Variants in TP53BP1 observed in about 807,000 individuals in gnomAD.
TP53BP1 encodes TP53-binding protein 1.
A neutral mutation model predicts 200.8 loss-of-function variants in TP53BP1; 61 were observed. The ratio of observed to expected loss-of-function variants is 0.30; its 90% CI spans 0.25 to 0.38. The LOEUF (loss-of-function observed/expected upper bound fraction) is 0.38. Among genes scored for constraint, TP53BP1 ranks in the 10% least tolerant of loss-of-function variants. The pLI is 1.00. For synonymous variants in TP53BP1, 822 were observed against 844.3 expected (o/e 0.97, Z 0.46); for missense variants, 2,144 against 2,371.9 (o/e 0.90, Z 2.00).
intron 1 of TP53BP1, among the ~76,000 whole-genome samples, chr15:43,508,144 G>T (rs1249108985): frequency 6.6e-6 from 1 of 152,164 alleles, no homozygotes; most frequent in African/African-American, 2.4e-5. Context: ...GGTGGATCAT[G>T]AGGTCAGGAG....
chr15:43,422,292 G>T (rs555220640), intron 18 of TP53BP1, among the ~76,000 whole-genome samples, 166 bp from the exon 19 acceptor site: 2 of 152,078 alleles, frequency 1.3e-5, no homozygotes, highest in South Asian at 4.2e-4. Context: ...TTGAGTAGTG[G>T]TTAGATAAAA....
At chr15:43,488,964 C>A (rs1019100468) in intron 4 of TP53BP1, among the ~76,000 whole-genome samples, 1 of 152,200 alleles carries the variant, frequency 6.6e-6, no homozygotes, top group Non-Finnish European at 1.5e-5. Flanking sequence ...AGCTTCATGG[C>A]CTATGCACAC....
chr15:43,440,224 A>G (rs1056914744), intron 15 of TP53BP1, among the ~76,000 whole-genome samples: 1 of 152,182 alleles, frequency 6.6e-6, no homozygotes, highest in African/African-American at 2.4e-5. Context: ...TGAGTGGGGC[A>G]CACCCTTTCA....
In TP53BP1 at chr15:43,492,482, A is replaced by G. The variant is rs1369660083; in HGVS notation, c.8-14T>C. 2.5e-6 allele frequency: 4 copies of G among 1,609,416 alleles called. No homozygotes were observed. The highest frequency in any genetic ancestry group is 3.4e-6 in the Non-Finnish European group (4 of 1,176,892). Reference sequence around the variant, plus strand: ...CCATCTGCTCCCCTGGAATGGAATAACAAAAGATCAGTTCCGTGTAACCTA... The same window carrying G: ...CCATCTGCTCCCCTGGAATGGAATAGCAAAAGATCAGTTCCGTGTAACCTA... On this transcript the variant is annotated splice_polypyrimidine_tract_variant and intron_variant, in intron 1 of 27. Coordinates refer to ENST00000382044, the MANE Select transcript of TP53BP1 (RefSeq NM_001141980.3).
chr15:43,476,092 T>A (rs2078877395), intron 8 of TP53BP1, among the ~76,000 whole-genome samples: 1 of 151,982 alleles, frequency 6.6e-6, no homozygotes, highest in African/African-American at 2.4e-5. Context: ...TGGTGAAACC[T>A]CATCTCTACT....
chr15:43,449,566 T>C (rs562483293), intron 12 of TP53BP1, among the ~76,000 whole-genome samples: 27 of 152,354 alleles, frequency 1.8e-4, no homozygotes, highest in African/African-American at 6.5e-4. Context: ...TTCAGACTTT[T>C]ACAGGCCCTA....
intron 11 of TP53BP1, among the ~76,000 whole-genome samples, chr15:43,467,861 G>T (rs2046626432): frequency 6.6e-6 from 1 of 150,908 alleles, no homozygotes; most frequent in Admixed American, 6.6e-5. Context: ...TCAGCTCACT[G>T]TAACCTCTGC....
chr15:43,409,779 G>C, intron 24 of TP53BP1, 38 bp from the exon 25 acceptor site: 3 of 1,107,372 alleles, frequency 2.7e-6, no homozygotes, highest in South Asian at 1.6e-5. Flanking sequence ...TAATTACTGA[G>C]TGGTTTTCTT....
At position 43,477,697 on chromosome 15, in the gene TP53BP1, A is replaced by C; in HGVS notation, c.851T>G (p.Leu284Trp). ...ACTTTCCATAAGTTCTTGTGCAGAC[A>C]ACTGTTCTTTTGCTTCCATAGCAGC... ...SVAAMEAKEQLSAQELMESGL... is the reference protein window; with the variant it reads ...SVAAMEAKEQWSAQELMESGL... Residue 284 changes from leucine (L) to tryptophan (W), a missense_variant, in exon 8 of 28, where the codon TTG (leucine) becomes TGG (tryptophan). By Grantham distance (61) the Leu-to-Trp change is moderately conservative. Transcript: ENST00000382044. The C allele has an allele frequency of 6.2e-7, 1 of 1,613,480 alleles. No individual in the cohort carries two copies. The highest frequency in any genetic ancestry group is 8.5e-7 in the Non-Finnish European group (1 of 1,179,766).
At chr15:43,443,570 CT>C (rs1366282910) in intron 14 of TP53BP1, among the ~76,000 whole-genome samples, 1 of 152,002 alleles carries the variant, frequency 6.6e-6, no homozygotes, top group Non-Finnish European at 1.5e-5. Context: ...GTGGGCGTGC[CT>C]GTAGTCCCAC....
In TP53BP1 at chr15:43,491,718, AACC is replaced by A. The variant is rs904836902; in HGVS notation, c.319_321del (p.Gly107del). 29 of 1,614,144 alleles carry A rather than the reference AACC, an allele frequency of 1.8e-5. No homozygotes were observed. The highest frequency in any genetic ancestry group is 2.5e-5 in the Non-Finnish European group (29 of 1,180,004). On this transcript the variant is annotated inframe_deletion, in exon 4 of 28. Coordinates refer to ENST00000382044, the MANE Select transcript of TP53BP1 (RefSeq NM_001141980.3). Reference sequence around the variant, plus strand: ...AACTGCTCAATGACCTGACTGATGGAACCACATGTGTCCAAGTTAGAAGAATCC... The same window carrying A: ...AACTGCTCAATGACCTGACTGATGGAACATGTGTCCAAGTTAGAAGAATCC...
chr15:43,460,901 C>T (rs1013027489), intron 11 of TP53BP1, among the ~76,000 whole-genome samples: 1 of 151,336 alleles, frequency 6.6e-6, no homozygotes, highest in Non-Finnish European at 1.5e-5. Flanking sequence ...TGGCACACGT[C>T]TGTGGTCACA....
chr15:43,473,965 G>A (rs900668360), intron 10 of TP53BP1, among the ~76,000 whole-genome samples: 5 of 152,234 alleles, frequency 3.3e-5, no homozygotes, highest in African/African-American at 7.2e-5. Context: ...AGGAGCCCAC[G>A]GAGGGGGTGG....
intron 10 of TP53BP1, among the ~76,000 whole-genome samples, chr15:43,471,779 T>C (rs1274425914): frequency 6.6e-6 from 1 of 152,174 alleles, no homozygotes; most frequent in African/African-American, 2.4e-5. Context: ...ATGTTCACAC[T>C]ACAGATAAAA....
At chr15:43,435,267 C>CAAAAAA (rs377275791) in intron 16 of TP53BP1, among the ~76,000 whole-genome samples, 36 of 55,628 alleles carry the variant, frequency 6.5e-4, no homozygotes, top group South Asian at 9.4e-4. Flanking sequence ...GACCCCATCT[C>CAAAAAA]AAAAAAAAAA....
At chr15:43,453,586 T>C (rs1222854655) in intron 12 of TP53BP1, among the ~76,000 whole-genome samples, 1 of 152,044 alleles carries the variant, frequency 6.6e-6, no homozygotes, top group Non-Finnish European at 1.5e-5. Flanking sequence ...TAGGGACTTT[T>C]TTTTTTTTTG....
intron 14 of TP53BP1, among the ~76,000 whole-genome samples, chr15:43,444,855 A>T (rs1019386339): frequency 6.6e-5 from 10 of 152,022 alleles, no homozygotes; most frequent in Non-Finnish European, 1.5e-5. Context: ...GTTTCCCCCA[A>T]TTCCCTCGTC....
chr15:43,420,478 T>C lies in TP53BP1; in HGVS notation c.4508A>G (p.Asn1503Ser), dbSNP rs1341837884. 3.7e-6 allele frequency: 6 copies of C among 1,614,176 alleles called. No individual in the cohort carries two copies. Among genetic ancestry groups the C allele is most frequent in the Non-Finnish European group, 5.1e-6 (6 of 1,180,028 alleles). The change falls in exon 21 of 28, where the codon AAT (asparagine) becomes AGT (serine). Residue 1503 changes from asparagine to serine, a missense_variant. Coordinates refer to ENST00000382044, the MANE Select transcript of TP53BP1 (RefSeq NM_001141980.3). ...GLRVVAKWSS[N>S]GYFYSGKITR... ...GATTTTCCCAGAGTAAAAGTAGCCA[T>C]TGGATGACCACTTGGCTACAACACG...
In TP53BP1 at chr15:43,457,333, A is replaced by G. The variant is rs533263340; in HGVS notation, c.1390-115T>C. On this transcript the variant is annotated intron_variant, in intron 11 of 27. Transcript: ENST00000382044. Reference sequence around the variant, plus strand: ...AATCAAATTTCTAAATCAAATTTTTAAATTCATATAAAATTTCTAAATCAA... The same window carrying G: ...AATCAAATTTCTAAATCAAATTTTTGAATTCATATAAAATTTCTAAATCAA... 9.0e-4 allele frequency: 875 copies of G among 973,920 alleles called. 5 individuals are homozygous for G. The African/African-American group carries it at 0.013, about 15-fold the overall frequency. The allele number at this position is 973,920 out of a possible 1,614,324, so 60.3% of individuals were successfully genotyped here.
Sources: allele counts gnomAD v4.1 joint callset (sites outside exome capture counted in the v4.1 genomes callset), GRCh38; gene constraint gnomAD v4.1.1; transcripts MANE v1.5; gene names NCBI Gene and HGNC (gene_info 2026-07-23, HGNC 2026-07-21).